RAPGEF6: variants seen among roughly 807,000 people sequenced by gnomAD.
The protein encoded by RAPGEF6 is Rap guanine nucleotide exchange factor 6.
Under a neutral mutation model 171.4 loss-of-function variants are expected in RAPGEF6, and 56 were observed. The observed-to-expected ratio is 0.33, with a 90% CI of 0.26 to 0.41. The LOEUF (loss-of-function observed/expected upper bound fraction) is 0.41. Ranked by LOEUF, RAPGEF6 falls within the 10% of genes least tolerant of loss-of-function variation. The pLI is 1.00. For synonymous variants in RAPGEF6, 692 were observed against 650.1 expected (o/e 1.06, Z -0.98); for missense variants, 1,674 against 1,921.4 (o/e 0.87, Z 2.41).
intron 7 of RAPGEF6, among the ~76,000 whole-genome samples, chr5:131,512,068 G>A (rs1460653048): frequency 6.6e-6 from 1 of 152,116 alleles, no homozygotes; most frequent in African/African-American, 2.4e-5. Flanking sequence ...AATAGGAAAG[G>A]GAATGGGGAG....
chr5:131,473,310 C>G (rs1384226601), intron 16 of RAPGEF6, among the ~76,000 whole-genome samples: 1 of 152,172 alleles, frequency 6.6e-6, no homozygotes, highest in Non-Finnish European at 1.5e-5. Flanking sequence ...CTCTAAAGTT[C>G]ATTCTAAGGG....
At chr5:131,440,695 AC>A (rs1752324165) in intron 23 of RAPGEF6, among the ~76,000 whole-genome samples, 1 of 142,598 alleles carries the variant, frequency 7.0e-6, no homozygotes, top group African/African-American at 2.6e-5. Context: ...CCAAGATCGC[AC>A]CACTGCACTC....
intron 16 of RAPGEF6, among the ~76,000 whole-genome samples, chr5:131,478,890 A>AATATATTAT (rs1755281892): frequency 6.6e-6 from 1 of 152,188 alleles, no homozygotes; most frequent in Non-Finnish European, 1.5e-5. Context: ...ATATAAACTG[A>AATATATTAT]GTGCCTACTA....
chr5:131,518,352 A>G (rs1489358621), intron 7 of RAPGEF6, among the ~76,000 whole-genome samples: 4 of 149,612 alleles, frequency 2.7e-5, no homozygotes, highest in Non-Finnish European at 5.9e-5. Context: ...TGCTGTTTCT[A>G]TCTTTTGGCT....
intron 5 of RAPGEF6, among the ~76,000 whole-genome samples, chr5:131,559,557 C>T (rs1453552045): frequency 6.6e-6 from 1 of 152,106 alleles, no homozygotes; most frequent in Non-Finnish European, 1.5e-5. Flanking sequence ...GGCATGGTGG[C>T]TCACACCTGT....
chr5:131,605,064 C>G (rs1008638599), intron 1 of RAPGEF6, among the ~76,000 whole-genome samples: 9 of 152,094 alleles, frequency 5.9e-5, no homozygotes, highest in Non-Finnish European at 1.3e-4. Context: ...CTAGAGATGA[C>G]CCAGTTTATC....
chr5:131,504,495 G>A (rs1561517770), intron 11 of RAPGEF6, 131 bp downstream of exon 11: 3 of 970,516 alleles, frequency 3.1e-6, no homozygotes, highest in Non-Finnish European at 2.9e-6. Context: ...AAGACAAAGA[G>A]TCAACATTTA....
chr5:131,441,046 C>T (rs527973527), intron 23 of RAPGEF6, among the ~76,000 whole-genome samples: 14 of 152,302 alleles, frequency 9.2e-5, no homozygotes, highest in Non-Finnish European at 1.9e-4. Context: ...TGAACCGTAA[C>T]CTTCTCTTGT....
chr5:131,509,504 C>G (rs1371229728), intron 8 of RAPGEF6, among the ~76,000 whole-genome samples: 2 of 151,416 alleles, frequency 1.3e-5, no homozygotes, highest in Non-Finnish European at 2.9e-5. Context: ...GATTGCGCCA[C>G]TGCACTCCAG....
At chr5:131,460,669 G>A (rs1269145190) in intron 19 of RAPGEF6, among the ~76,000 whole-genome samples, 1 of 152,150 alleles carries the variant, frequency 6.6e-6, no homozygotes, top group Non-Finnish European at 1.5e-5. Context: ...CTATATGGGA[G>A]AGGCAGGATT....
chr5:131,433,774 G>A (rs1441618045), intron 24 of RAPGEF6, 116 bp from the exon 25 acceptor site: 5 of 784,746 alleles, frequency 6.4e-6, no homozygotes, highest in Non-Finnish European at 1.0e-5. Flanking sequence ...CAAAGTAGAA[G>A]CAATTTTAGT....
intron 9 of RAPGEF6, 25 bp downstream of exon 9, chr5:131,508,046 G>A: frequency 6.5e-7 from 1 of 1,537,654 alleles, no homozygotes; most frequent in Non-Finnish European, 8.8e-7. Flanking sequence ...CATAATAAAT[G>A]TATGTAATTT....
chr5:131,571,194 G>A (rs1561571655), intron 4 of RAPGEF6, among the ~76,000 whole-genome samples: 1 of 151,910 alleles, frequency 6.6e-6, no homozygotes, highest in Non-Finnish European at 1.5e-5. Context: ...CACCCGCCTT[G>A]GCCTCCCAAA....
intron 21 of RAPGEF6, among the ~76,000 whole-genome samples, chr5:131,452,630 ATTT>A (rs374349439): frequency 7.1e-6 from 1 of 140,490 alleles, no homozygotes. Flanking sequence ...TTGTTTGCTG[ATTT>A]TTTTTTTTTT....
At chr5:131,632,157 A>G (rs73264152) in intron 1 of RAPGEF6, among the ~76,000 whole-genome samples, 11,151 of 151,574 alleles carry the variant, frequency 0.074, 833 homozygotes, top group African/African-American at 0.2. Flanking sequence ...CCCTCACTGA[A>G]AAGTCAAATA....
chr5:131,600,430 G>C (rs774193519), intron 3 of RAPGEF6, among the ~76,000 whole-genome samples: 11 of 152,062 alleles, frequency 7.2e-5, no homozygotes, highest in Non-Finnish European at 1.6e-4. Context: ...GCTGAGGCAG[G>C]AGAATCGTAT....
intron 1 of RAPGEF6, among the ~76,000 whole-genome samples, chr5:131,625,364 A>C (rs1042374791): frequency 6.6e-6 from 1 of 152,200 alleles, no homozygotes; most frequent in Non-Finnish European, 1.5e-5. Context: ...TTTTCAAAAA[A>C]GTCTGGGGGA....
chr5:131,603,237 G>C, intron 3 of RAPGEF6, 34 bp downstream of exon 3: 1 of 1,436,266 alleles, frequency 7.0e-7, no homozygotes, highest in South Asian at 1.3e-5. Context: ...AAACATAAAA[G>C]TCATTAGTTT....
intron 5 of RAPGEF6, among the ~76,000 whole-genome samples, chr5:131,559,878 G>A (rs910084208): frequency 2.0e-5 from 3 of 151,534 alleles, no homozygotes; most frequent in African/African-American, 7.3e-5. Context: ...TTAAAACAAG[G>A]AGATTACTTT....
Sources: gnomAD v4.1 joint callset for allele counts (sites outside exome capture counted in the v4.1 genomes callset) on GRCh38, gnomAD v4.1.1 for gene constraint, MANE v1.5 for transcripts, NCBI Gene and HGNC (gene_info 2026-07-23, HGNC 2026-07-21) for gene names.